PGAP4: variants seen among roughly 807,000 people sequenced by gnomAD.
PGAP4 encodes the protein GPI-N-acetylgalactosamine transferase PGAP4.
In PGAP4, 12 loss-of-function variants were observed where a neutral mutation model predicts 28.2. The observed-to-expected ratio is 0.42, with a 90% CI of 0.27 to 0.69. The LOEUF (loss-of-function observed/expected upper bound fraction) is 0.69. PGAP4 is among the 30% of genes least tolerant of loss of function. The pLI, the probability that PGAP4 is intolerant of heterozygous loss-of-function variation, is 0.22. For missense variants in PGAP4, 425 were observed against 513.5 expected, an observed-to-expected ratio of 0.83 and a Z score of 1.67; for synonymous variants, 205 against 211.8, an observed-to-expected ratio of 0.97 and a Z score of 0.28.
intron 1 of PGAP4, among the ~76,000 whole-genome samples, chr9:101,531,827 A>G (rs1278258012): frequency 6.6e-6 from 1 of 152,258 alleles, no homozygotes; most frequent in Non-Finnish European, 1.5e-5. Flanking sequence ...ACACTTACGT[A>G]GTACCAGCAA....
intron 2 of PGAP4, among the ~76,000 whole-genome samples, chr9:101,525,663 G>A (rs943710937): frequency 2.1e-4 from 29 of 139,640 alleles, no homozygotes; most frequent in African/African-American, 7.6e-4. Flanking sequence ...AGACAAGATT[G>A]CGCCATTGCA....
intron 2 of PGAP4, chr9:101,501,886 G>A (rs1826804425): frequency 3.3e-5 from 14 of 427,512 alleles, no homozygotes; most frequent in South Asian, 2.6e-4. Flanking sequence ...GGTGGAACAT[G>A]TTTGCGGCAG....
Position 101,475,224 on chromosome 9 carries a change from T to C in PGAP4, c.*657A>G, listed in dbSNP as rs1235853633. On this transcript the variant is annotated 3_prime_UTR_variant, in exon 2 of 2. Transcript: ENST00000374848. ...GATGGTTCACAAGCTCTTCCAGATCTTGTCGTGCCTTAAAGTTCTCACTAA... is the reference window on the plus strand; with the variant it reads ...GATGGTTCACAAGCTCTTCCAGATCCTGTCGTGCCTTAAAGTTCTCACTAA... 6.5e-6 allele frequency: 1 copy of C among 153,324 alleles called. No homozygotes were observed. The highest frequency in any genetic ancestry group is 6.5e-5 in the Admixed American group (1 of 15,490). 9.5% of individuals were successfully genotyped at this position (153,324 alleles called of 1,614,324 possible).
rs1263447777 is a variant in PGAP4 at position 101,519,676 on chromosome 9, C to CAT, written c.-165+11670_-165+11671dup. ...ACATACATATATATATACACACATACATATATATACACACACAGACACACA... is the reference window on the plus strand; with the variant it reads ...ACATACATATATATATACACACATACATATATATATACACACACAGACACACA... On this transcript the variant is annotated intron_variant, in intron 2 of 3. Transcript: ENST00000374851. 1.3e-4 allele frequency among the ~76,000 whole-genome samples: 19 copies of CAT among 150,478 alleles called. No individual in the cohort carries two copies. The East Asian group carries it at 2.5e-3, about 20-fold the overall frequency.
intron 2 of PGAP4, chr9:101,531,195 T>TAC (rs367760603): frequency 0.32 from 43,394 of 137,132 alleles, 6,767 homozygotes; most frequent in East Asian, 0.56. Context: ...AATCTCTTTC[T>TAC]ACACACACAC....
At position 101,483,642 on chromosome 9, in the gene PGAP4, CAT is replaced by C. The variant is rs1356850782; in HGVS notation, c.-78+3305_-78+3306del. 2.7e-4 allele frequency among the ~76,000 whole-genome samples: 41 copies of C among 151,970 alleles called. 1 individual carries two copies. Among genetic ancestry groups the C allele is most frequent in the Admixed American group, 2.6e-4 (4 of 15,274 alleles). On this transcript the variant is annotated intron_variant, in intron 1 of 1. Coordinates refer to ENST00000374848, the MANE Select transcript of PGAP4 (RefSeq NM_032342.3). ...AATATACATAGCAAGTATATATACA[CAT>C]GTACTATATATATGCATTACATATC...
At position 101,476,917 on chromosome 9, in the gene PGAP4, T is replaced by G; in HGVS notation, c.176A>C (p.Asn59Thr). Residue 59 changes from asparagine (N) to threonine (T), a missense_variant, in exon 2 of 2, where the codon AAC (asparagine) becomes ACC (threonine). Physicochemically the swap from Asn to Thr is moderately conservative, Grantham distance 65. Transcript: ENST00000374848. This position sits in a 1 kb window ranked among gnomAD's most constrained non-coding sequence, Gnocchi z 7.0. Reference sequence around the variant, plus strand: ...CTGCAGGAACTCTTGGCTCATTTGGTTCAGATGCCAATGGCGCAGATAGAA... The same window carrying G: ...CTGCAGGAACTCTTGGCTCATTTGGGTCAGATGCCAATGGCGCAGATAGAA... ...SYFYLRHWHL[N>T]QMSQEFLQQS... is the part of the protein sequence containing the mutation. 6.2e-7 allele frequency: 1 copy of G among 1,614,102 alleles called. No individual in the cohort carries two copies. Among genetic ancestry groups the G allele is most frequent in the Non-Finnish European group, 8.5e-7 (1 of 1,179,972 alleles).
intron 1 of PGAP4, among the ~76,000 whole-genome samples, chr9:101,484,824 A>T (rs1385588916): frequency 6.6e-6 from 1 of 152,188 alleles, no homozygotes; most frequent in Non-Finnish European, 1.5e-5. Context: ...AGAAATGCAA[A>T]CTATATCAGT....
chr9:101,516,018 A>G (rs1435161135), intron 2 of PGAP4, among the ~76,000 whole-genome samples: 2 of 152,156 alleles, frequency 1.3e-5, no homozygotes, highest in Admixed American at 6.6e-5. Flanking sequence ...GGTAAAATTT[A>G]TTAAAACATC....
intron 1 of PGAP4, among the ~76,000 whole-genome samples, chr9:101,532,217 C>A (rs1021362955): frequency 6.6e-6 from 1 of 151,718 alleles, no homozygotes. Flanking sequence ...TTGCAGTGAG[C>A]CGAGATTGTG....
At chr9:101,491,050 G>C (rs955402213), upstream of PGAP4, among the ~76,000 whole-genome samples, 1 of 152,096 alleles carries the variant, frequency 6.6e-6, no homozygotes, top group African/African-American at 2.4e-5. Context: ...AATAATACCA[G>C]CTTCTTCTGT....
chr9:101,487,645 A>T (rs1469090910), upstream of PGAP4, among the ~76,000 whole-genome samples: 1 of 152,172 alleles, frequency 6.6e-6, no homozygotes, highest in Non-Finnish European at 1.5e-5. Flanking sequence ...TTTTCAGCAC[A>T]CAATTGTACG....
At chr9:101,504,209 GTTTTTTTTTTTTT>G (rs3081858) in intron 2 of PGAP4, among the ~76,000 whole-genome samples, 101 of 22,714 alleles carry the variant, frequency 4.4e-3, no homozygotes, top group African/African-American at 0.017. Flanking sequence ...GTGTGTGTTT[GTTTTTTTTTTTTT>G]TTTTTTTTTT....
upstream of PGAP4, among the ~76,000 whole-genome samples, chr9:101,491,909 T>C (rs1826693510): frequency 6.7e-6 from 1 of 149,232 alleles, no homozygotes; most frequent in Non-Finnish European, 1.5e-5. Context: ...TCTTGGGGAA[T>C]ATTTCATATG....
At chr9:101,495,121 T>A (rs1826727687) in intron 2 of PGAP4, among the ~76,000 whole-genome samples, 3 of 127,806 alleles carry the variant, frequency 2.3e-5, no homozygotes. Flanking sequence ...AAGTGCCTAA[T>A]TATTTACTAT....
chr9:101,487,522 G>A (rs1349236726), upstream of PGAP4, among the ~76,000 whole-genome samples: 1 of 152,150 alleles, frequency 6.6e-6, no homozygotes, highest in African/African-American at 2.4e-5. Context: ...GAACAATCCC[G>A]GCAAAGCAAA....
At chr9:101,492,359 A>AT (rs766145013) in intron 2 of PGAP4, among the ~76,000 whole-genome samples, 1 of 151,940 alleles carries the variant, frequency 6.6e-6, no homozygotes, top group Non-Finnish European at 1.5e-5. Context: ...TGCTCAGCTA[A>AT]TTTTTTGTAT....
intron 2 of PGAP4, among the ~76,000 whole-genome samples, chr9:101,527,463 A>G (rs1371573127): frequency 6.6e-6 from 1 of 152,208 alleles, no homozygotes; most frequent in East Asian, 1.9e-4. Flanking sequence ...TATCAGTTAT[A>G]TTTATATCAA....
chr9:101,500,316 T>C (rs528959052), intron 2 of PGAP4, among the ~76,000 whole-genome samples: 1 of 152,028 alleles, frequency 6.6e-6, no homozygotes, highest in Non-Finnish European at 1.5e-5. Context: ...CTTGTCTTTT[T>C]TAGTTTTTAG....
Sources: gnomAD v4.1 joint callset for allele counts (sites outside exome capture counted in the v4.1 genomes callset) on GRCh38, gnomAD v4.1.1 for gene constraint, Gnocchi (gnomAD v3.1) non-coding constraint, MANE v1.5 for transcripts, NCBI Gene and HGNC (gene_info 2026-07-23, HGNC 2026-07-21) for gene names.